ABCA13: variants seen among roughly 807,000 people sequenced by gnomAD.
ABCA13 encodes the protein ATP-binding cassette sub-family A member 13.
In ABCA13, 476 loss-of-function variants were observed where a neutral mutation model predicts 478.7. The ratio of observed to expected loss-of-function variants is 0.99; its 90% CI spans 0.92 to 1.07. The LOEUF is 1.07. Among genes scored for constraint, ABCA13 ranks in the 50% least tolerant of loss-of-function variants. The pLI is 0.00. For missense variants in ABCA13, 6,060 were observed against 5,910.6 expected (o/e 1.03, Z -0.83); for synonymous variants, 2,252 against 2,158.9 (o/e 1.04, Z -1.20).
At chr7:48,550,943 A>G (rs1026536727) in intron 55 of ABCA13, among the ~76,000 whole-genome samples, 4 of 151,548 alleles carry the variant, frequency 2.6e-5, no homozygotes, top group Non-Finnish European at 4.4e-5. Flanking sequence ...TGAGCATTCT[A>G]TTTTAGTCAT....
intron 29 of ABCA13, among the ~76,000 whole-genome samples, chr7:48,343,047 G>C (rs1807487603): frequency 6.6e-6 from 1 of 150,560 alleles, no homozygotes; most frequent in Non-Finnish European, 1.5e-5. Context: ...GTGCATGTTT[G>C]TGAGCTTTAA....
chr7:48,231,071 T>C (rs1246150475), intron 7 of ABCA13, among the ~76,000 whole-genome samples: 1 of 151,750 alleles, frequency 6.6e-6, no homozygotes, highest in Non-Finnish European at 1.5e-5. Context: ...TCTTAAAACC[T>C]AGATGATGGG....
intron 42 of ABCA13, among the ~76,000 whole-genome samples, chr7:48,433,500 T>A (rs1362535162): frequency 6.7e-6 from 1 of 149,804 alleles, no homozygotes; most frequent in Non-Finnish European, 1.5e-5. Context: ...TTATATATGA[T>A]ATATATTTTT....
At chr7:48,235,745 A>G (rs1181432163) in intron 8 of ABCA13, among the ~76,000 whole-genome samples, 3 of 152,232 alleles carry the variant, frequency 2.0e-5, no homozygotes, top group Non-Finnish European at 4.4e-5. Flanking sequence ...TTAACCTGAT[A>G]AAAGACAGAT....
At chr7:48,602,199 G>T (rs530298270) in intron 58 of ABCA13, among the ~76,000 whole-genome samples, 10 of 152,082 alleles carry the variant, frequency 6.6e-5, no homozygotes, top group East Asian at 3.9e-4. Context: ...TGGTAGTTTC[G>T]TTTGCTGTGC....
intron 3 of ABCA13, among the ~76,000 whole-genome samples, chr7:48,213,088 ATTTC>A (rs1374276214): frequency 2.0e-5 from 3 of 151,866 alleles, no homozygotes; most frequent in African/African-American, 7.3e-5. Flanking sequence ...TTTTCAGTTT[ATTTC>A]TTTCTATGGT....
At chr7:48,446,325 T>G (rs560365240) in intron 42 of ABCA13, among the ~76,000 whole-genome samples, 4 of 151,012 alleles carry the variant, frequency 2.6e-5, no homozygotes, top group African/African-American at 9.8e-5. Context: ...CAAATCTATC[T>G]AATACTGAGT....
At chr7:48,310,180 G>T (rs1801558706) in intron 24 of ABCA13, 39 bp downstream of exon 24, 2 of 1,569,310 alleles carry the variant, frequency 1.3e-6, no homozygotes, top group Middle Eastern at 2.2e-4. Flanking sequence ...TCCTCTGCAG[G>T]ACTCTGCTGT....
chr7:48,461,481 ATG>A (rs1826237062), intron 43 of ABCA13, among the ~76,000 whole-genome samples: 1 of 152,226 alleles, frequency 6.6e-6, no homozygotes, highest in African/African-American at 2.4e-5. Flanking sequence ...CAGATGGTAA[ATG>A]AAATAGCTGA....
intron 3 of ABCA13, among the ~76,000 whole-genome samples, chr7:48,216,951 T>C (rs1403242008): frequency 1.3e-5 from 2 of 152,262 alleles, no homozygotes; most frequent in African/African-American, 2.4e-5. Context: ...AGGAATGTTT[T>C]TGTAGCTCTC....
intron 56 of ABCA13, among the ~76,000 whole-genome samples, chr7:48,581,945 C>A (rs988430942): frequency 1.3e-5 from 2 of 152,154 alleles, no homozygotes; most frequent in African/African-American, 4.8e-5. Context: ...AGGTGCTTAT[C>A]ACAAGATGTC....
intron 1 of ABCA13, among the ~76,000 whole-genome samples, chr7:48,179,706 T>C (rs983608843): frequency 6.6e-6 from 1 of 152,032 alleles, no homozygotes; most frequent in African/African-American, 2.4e-5. Flanking sequence ...GAATGATGAG[T>C]GTCAGCTCAC....
At chr7:48,499,109 T>A (rs1286740206) in intron 48 of ABCA13, among the ~76,000 whole-genome samples, 1 of 152,126 alleles carries the variant, frequency 6.6e-6, no homozygotes, top group African/African-American at 2.4e-5. Flanking sequence ...GTAAAACCCT[T>A]CTACAATTGG....
intron 59 of ABCA13, among the ~76,000 whole-genome samples, chr7:48,629,279 G>A (rs1275167905): frequency 6.6e-6 from 1 of 152,104 alleles, no homozygotes; most frequent in East Asian, 1.9e-4. Flanking sequence ...GAATCCAACT[G>A]TACACTATGG....
chr7:48,528,294 A>C lies in ABCA13; in HGVS notation c.14303A>C (p.Asn4768Thr). 1 of 1,578,680 alleles carries C rather than the reference A, an allele frequency of 6.3e-7. No individual in the cohort carries two copies. Among genetic ancestry groups the C allele is most frequent in the Non-Finnish European group, 8.6e-7 (1 of 1,161,014 alleles). Residue 4768 changes from asparagine to threonine, a missense_variant, in exon 55 of 62, where the codon AAT (asparagine) becomes ACT (threonine). By Grantham distance (65) the Asn-to-Thr change is moderately conservative (BLOSUM62 0). Around this residue, in one of 3 missense-constraint regions of ABCA13, gnomAD observed 1,627 missense variants for 1,571.0 expected, o/e 1.04. Transcript: ENST00000435803. The part of the protein sequence containing the change: ...AGKSTTFKML[N>T]GEVSLTSGHA... ...AAGAGCACGACTTTCAAAATGCTGA[A>C]TGGTGAAGTTTCTCTAACTTCAGGA...
intron 44 of ABCA13, 90 bp downstream of exon 44, chr7:48,467,135 T>C: frequency 8.2e-7 from 1 of 1,225,574 alleles, no homozygotes; most frequent in Non-Finnish European, 1.2e-6. Flanking sequence ...GATTGGTTAT[T>C]TCATGTCACA....
At chr7:48,260,433 C>G (rs1446981028) in intron 15 of ABCA13, among the ~76,000 whole-genome samples, 1 of 152,010 alleles carries the variant, frequency 6.6e-6, no homozygotes, top group Admixed American at 6.6e-5. Context: ...GCAGTGTATA[C>G]CTTTACCATT....
chr7:48,568,937 TA>T (rs1171361994), intron 55 of ABCA13, among the ~76,000 whole-genome samples: 4 of 152,064 alleles, frequency 2.6e-5, no homozygotes, highest in Non-Finnish European at 5.9e-5. Context: ...TTTAGACTAT[TA>T]AAAAATTTTC....
intron 3 of ABCA13, among the ~76,000 whole-genome samples, chr7:48,216,210 A>G (rs1474029251): frequency 1.3e-5 from 2 of 152,150 alleles, no homozygotes; most frequent in African/African-American, 4.8e-5. Flanking sequence ...CTCTCCCATC[A>G]TCAGTGGTAG....
Sources: allele counts gnomAD v4.1 joint callset (sites outside exome capture counted in the v4.1 genomes callset), GRCh38; gene constraint gnomAD v4.1.1; regional missense constraint gnomAD v4.1.1; transcripts MANE v1.5; gene names NCBI Gene and HGNC (gene_info 2026-07-23, HGNC 2026-07-21).